Variants in MACROD2 observed in about 807,000 individuals in gnomAD.
MACROD2 encodes the protein mono-ADP ribosylhydrolase 2.
A neutral mutation model predicts 70.4 loss-of-function variants in MACROD2; 36 were observed. The observed-to-expected ratio is 0.51, with a 90% CI of 0.39 to 0.68. MACROD2 has a LOEUF of 0.68. Ranked by LOEUF, MACROD2 falls within the 30% of genes least tolerant of loss-of-function variation. MACROD2 has a pLI of 0.00. For synonymous variants in MACROD2, 172 were observed against 178.8 expected (o/e 0.96, Z 0.30); for missense variants, 496 against 538.4 (o/e 0.92, Z 0.78).
chr20:15,103,131 C>T (rs2075885780), intron 5 of MACROD2, among the ~76,000 whole-genome samples: 1 of 152,082 alleles, frequency 6.6e-6, no homozygotes, highest in Admixed American at 6.6e-5. Flanking sequence ...AATTTATGTT[C>T]TGTTTCAGGA....
At chr20:15,113,466 TATG>T (rs2075970229) in intron 5 of MACROD2, among the ~76,000 whole-genome samples, 1 of 152,176 alleles carries the variant, frequency 6.6e-6, no homozygotes, top group Admixed American at 6.5e-5. Flanking sequence ...ACACTTGAAA[TATG>T]ATGAAATGTC....
intron 5 of MACROD2, among the ~76,000 whole-genome samples, chr20:15,103,922 C>T (rs2075891984): frequency 6.6e-6 from 1 of 151,996 alleles, no homozygotes; most frequent in African/African-American, 2.4e-5. Flanking sequence ...TTTGGTATAC[C>T]TGGGGCAAAG....
chr20:14,705,914 T>A (rs1265197240), intron 5 of MACROD2, among the ~76,000 whole-genome samples: 1 of 152,168 alleles, frequency 6.6e-6, no homozygotes, highest in Non-Finnish European at 1.5e-5. Flanking sequence ...TTTCTTCTCT[T>A]CCTCTCTCTC....
intron 6 of MACROD2, among the ~76,000 whole-genome samples, chr20:15,323,508 T>C (rs2077894377): frequency 6.6e-6 from 1 of 152,138 alleles, no homozygotes; most frequent in African/African-American, 2.4e-5. Context: ...AAACCAGTGG[T>C]CTAAAATGGA....
chr20:15,720,814 A>G (rs2050777462), intron 8 of MACROD2, among the ~76,000 whole-genome samples: 2 of 152,212 alleles, frequency 1.3e-5, no homozygotes. Flanking sequence ...ATATAAAGCC[A>G]TGGCTTCTGT....
chr20:15,666,227 T>C (rs2049895760), intron 8 of MACROD2, among the ~76,000 whole-genome samples: 1 of 152,176 alleles, frequency 6.6e-6, no homozygotes, highest in South Asian at 2.1e-4. Flanking sequence ...AACTGAGTGT[T>C]AGACATCTCT....
intron 6 of MACROD2, among the ~76,000 whole-genome samples, chr20:15,395,264 C>A (rs993235662): frequency 2.0e-5 from 3 of 152,112 alleles, no homozygotes; most frequent in Middle Eastern, 3.2e-3. Flanking sequence ...AAGTATGTGC[C>A]AAAGAAAATG....
chr20:15,637,642 C>T lies in MACROD2; in HGVS notation c.645+137795C>T, dbSNP rs150624364. Among the ~76,000 whole-genome samples, 276 of 152,260 alleles carry T rather than the reference C, an allele frequency of 1.8e-3. 1 individual carries two copies. Among genetic ancestry groups the T allele is most frequent in the African/African-American group, 6.5e-3 (269 of 41,530 alleles). ...CAGGCCCACAACATTGGGGGATGTT[C>T]GAGAAAAGAAGGGAGACCGTGAGCC... is the stretch of plus-strand genomic sequence containing the variant. On this transcript the variant is annotated intron_variant, in intron 8 of 17. Transcript: ENST00000684519.
intron 8 of MACROD2, among the ~76,000 whole-genome samples, chr20:15,835,633 T>G (rs1033263202): frequency 7.9e-5 from 12 of 152,116 alleles, no homozygotes; most frequent in Admixed American, 2.0e-4. Flanking sequence ...TATTTGTAAG[T>G]GATAGAATAA....
intron 8 of MACROD2, among the ~76,000 whole-genome samples, chr20:15,765,479 G>A (rs982753165): frequency 2.0e-5 from 3 of 152,156 alleles, no homozygotes; most frequent in African/African-American, 7.2e-5. Flanking sequence ...TTATTGAACG[G>A]TGTATTGTTC....
At chr20:14,501,457 A>G (rs2084913986) in intron 4 of MACROD2, among the ~76,000 whole-genome samples, 1 of 151,882 alleles carries the variant, frequency 6.6e-6, no homozygotes, top group South Asian at 2.1e-4. Flanking sequence ...GTGTTATCCT[A>G]CAATACGTTT....
chr20:14,798,329 GT>G (rs1302130982), intron 5 of MACROD2, among the ~76,000 whole-genome samples: 1 of 151,884 alleles, frequency 6.6e-6, no homozygotes. Flanking sequence ...TTTTCCCTGT[GT>G]TTTTAAAGTT....
intron 6 of MACROD2, among the ~76,000 whole-genome samples, chr20:15,233,975 A>AT (rs1382738328): frequency 2.0e-5 from 1 of 50,232 alleles, no homozygotes; most frequent in African/African-American, 7.7e-5. Flanking sequence ...ATTTTTATAT[A>AT]TATTTATTTA....
chr20:15,357,394 A>C (rs2078299877), intron 6 of MACROD2, among the ~76,000 whole-genome samples: 1 of 152,178 alleles, frequency 6.6e-6, no homozygotes, highest in Non-Finnish European at 1.5e-5. Context: ...CTTTAATAGA[A>C]ATTTCATTTA....
intron 8 of MACROD2, among the ~76,000 whole-genome samples, chr20:15,824,936 TA>T (rs1409011455): frequency 6.6e-6 from 1 of 152,164 alleles, no homozygotes; most frequent in Non-Finnish European, 1.5e-5. Flanking sequence ...CAAATAAGTA[TA>T]AAAAGGTACA....
chr20:15,221,265 A>T (rs553940926), intron 5 of MACROD2, among the ~76,000 whole-genome samples: 1 of 152,166 alleles, frequency 6.6e-6, no homozygotes, highest in African/African-American at 2.4e-5. Flanking sequence ...TGAAACAGTC[A>T]TATTGTCTAT....
At chr20:15,253,956 A>G (rs1038017834) in intron 6 of MACROD2, among the ~76,000 whole-genome samples, 3 of 152,128 alleles carry the variant, frequency 2.0e-5, no homozygotes, top group Admixed American at 6.6e-5. Flanking sequence ...TTATCTTCAA[A>G]TTTTATAGGT....
Position 15,958,631 on chromosome 20 carries a change from A to G in MACROD2, c.908-8922A>G, listed in dbSNP as rs145961967. Among the ~76,000 whole-genome samples, 633 of 152,280 alleles carry G rather than the reference A, an allele frequency of 4.2e-3. 1 individual carries two copies. The highest frequency in any genetic ancestry group is 6.4e-3 in the Non-Finnish European group (432 of 68,028). ...TCAAAGGGAAATAAACCATCCAAGTATCCATGTGCACAAATGCATATGTCA... is the reference window on the plus strand; with the variant it reads ...TCAAAGGGAAATAAACCATCCAAGTGTCCATGTGCACAAATGCATATGTCA... On this transcript the variant is annotated intron_variant, in intron 12 of 17. Coordinates refer to ENST00000684519, the MANE Select transcript of MACROD2 (RefSeq NM_001351661.2).
intron 3 of MACROD2, among the ~76,000 whole-genome samples, chr20:14,446,657 T>G (rs913151309): frequency 6.6e-6 from 1 of 152,074 alleles, no homozygotes; most frequent in Non-Finnish European, 1.5e-5. Context: ...GAGTGGCAAC[T>G]TGAGGCTAAA....
Sources: gnomAD v4.1 joint callset for allele counts (sites outside exome capture counted in the v4.1 genomes callset) on GRCh38, gnomAD v4.1.1 for gene constraint, MANE v1.5 for transcripts, NCBI Gene and HGNC (gene_info 2026-07-23, HGNC 2026-07-21) for gene names.